The following PPM1B variants were observed in gnomAD, a reference collection of about 807,000 sequenced individuals.
The protein encoded by PPM1B is protein phosphatase 1B.
Under a neutral mutation model 43.0 loss-of-function variants are expected in PPM1B, and 22 were observed. The ratio of observed to expected loss-of-function variants is 0.51; its 90% confidence interval spans 0.37 to 0.73. The LOEUF (loss-of-function observed/expected upper bound fraction) is 0.73. Ranked by LOEUF, PPM1B falls within the 30% of genes least tolerant of loss-of-function variation. The pLI is 0.00. For missense variants in PPM1B, 632 were observed against 584.2 expected (o/e 1.08, Z -0.84); for synonymous variants, 217 against 197.9 (o/e 1.10, Z -0.81).
intron 2 of PPM1B, among the ~76,000 whole-genome samples, chr2:44,206,948 A>G (rs762167038): frequency 6.6e-6 from 1 of 152,226 alleles, no homozygotes; most frequent in African/African-American, 2.4e-5. Flanking sequence ...TTATACAAGT[A>G]TATTCATATA....
chr2:44,209,908 A>G (rs1473281720), intron 3 of PPM1B, among the ~76,000 whole-genome samples: 1 of 152,236 alleles, frequency 6.6e-6, no homozygotes, highest in Non-Finnish European at 1.5e-5. Context: ...GGAGAAGACA[A>G]ATATGTCTGT....
chr2:44,231,028 G>C lies in PPM1B; in HGVS notation c.*310G>C. On this transcript the variant is annotated 3_prime_UTR_variant, in exon 6 of 6. Transcript: ENST00000282412. The stretch of plus-strand genomic sequence containing the variant: ...TAGATAGAATTAGAAATTTTGATTA[G>C]AGAGATTATGCTATATTATGGAAAA... 1 of 955,284 alleles carries C rather than the reference G, an allele frequency of 1.0e-6. No individual in the cohort carries two copies. The highest frequency in any genetic ancestry group is 1.3e-6 in the Non-Finnish European group (1 of 788,540). 59.2% of individuals were successfully genotyped at this position (955,284 alleles called of 1,614,324 possible).
At chr2:44,239,822 A>G (rs1670706408) in intron 5 of PPM1B, among the ~76,000 whole-genome samples, 1 of 152,004 alleles carries the variant, frequency 6.6e-6, no homozygotes, top group African/African-American at 2.4e-5. Context: ...CACCCCTGTC[A>G]GATTCCCATT....
downstream of PPM1B, chr2:44,232,717 CACA>C (rs144740946): frequency 4.2e-3 from 4,326 of 1,021,054 alleles, 44 homozygotes; most frequent in East Asian, 0.066. Flanking sequence ...AAACAAAACA[CACA>C]ACATGTAAGC....
intron 5 of PPM1B, among the ~76,000 whole-genome samples, chr2:44,223,991 C>T (rs1670099264): frequency 6.6e-6 from 1 of 152,050 alleles, no homozygotes; most frequent in African/African-American, 2.4e-5. Flanking sequence ...CTTCAAGTAA[C>T]ATGTAATTTA....
chr2:44,246,234 T>A (rs773229875), downstream of PPM1B, among the ~76,000 whole-genome samples: 1 of 152,238 alleles, frequency 6.6e-6, no homozygotes, highest in Non-Finnish European at 1.5e-5. Flanking sequence ...TTCTTCTATT[T>A]AACACCGAAA....
exon 6 of PPM1B, chr2:44,244,345 A>G (rs1459094613): frequency 7.4e-7 from 1 of 1,359,122 alleles, no homozygotes; most frequent in South Asian, 1.1e-5. Flanking sequence ...GTTTTTTTGT[A>G]AACCCGAACG....
intron 4 of PPM1B, 133 bp downstream of exon 4, chr2:44,218,211 A>G: frequency 1.4e-6 from 1 of 723,328 alleles, no homozygotes; most frequent in Non-Finnish European, 2.3e-6. Flanking sequence ...ATACTAGAGA[A>G]GAACTCTTAA....
chr2:44,201,591 G>C lies in PPM1B; in HGVS notation c.392G>C (p.Gly131Ala). 2.5e-6 allele frequency: 4 copies of C among 1,614,188 alleles called. No individual in the cohort carries two copies. Among genetic ancestry groups the C allele is most frequent in the Non-Finnish European group, 3.4e-6 (4 of 1,180,036 alleles). ...CTCAGAAACGGGATGGACAGGAGTGGTTCAACTGCAGTGGGAGTTATGATT... is the reference window on the plus strand; with the variant it reads ...CTCAGAAACGGGATGGACAGGAGTGCTTCAACTGCAGTGGGAGTTATGATT... ...SDLRNGMDRS[G>A]STAVGVMISP... The change falls in exon 2 of 6, where the codon GGT becomes GCT. Residue 131 changes from glycine to alanine, a missense_variant. Around this residue, in one of 3 missense-constraint regions of PPM1B, gnomAD observed 200 missense variants for 200.7 expected, o/e 1.00. Coordinates refer to ENST00000282412, the MANE Select transcript of PPM1B (RefSeq NM_002706.6). The surrounding 1 kb of genome is among the most constrained non-coding windows in gnomAD (Gnocchi z 5.4).
chr2:44,204,353 C>T (rs930678809), intron 2 of PPM1B, among the ~76,000 whole-genome samples: 1 of 152,088 alleles, frequency 6.6e-6, no homozygotes, highest in African/African-American at 2.4e-5. Context: ...TTAGCGATTG[C>T]ACAGTAGTTA....
intron 3 of PPM1B, among the ~76,000 whole-genome samples, chr2:44,211,914 C>A (rs1669488279): frequency 6.6e-6 from 1 of 151,848 alleles, no homozygotes; most frequent in African/African-American, 2.4e-5. Flanking sequence ...CACACCCGGC[C>A]AATTTTGTAT....
chr2:44,244,185 A>G, intron 5 of PPM1B: 1 of 911,460 alleles, frequency 1.1e-6, no homozygotes, highest in South Asian at 3.1e-5. Flanking sequence ...AAAAAAAAAA[A>G]CCATATATAT....
intron 1 of PPM1B, among the ~76,000 whole-genome samples, chr2:44,187,752 C>G (rs549738612): frequency 7.2e-5 from 11 of 152,038 alleles, no homozygotes; most frequent in Non-Finnish European, 1.5e-4. Flanking sequence ...GTGATGTTCA[C>G]CTTTACTTTT....
chr2:44,211,113 A>G lies in PPM1B; in HGVS notation c.964+1786A>G, dbSNP rs953067115. On this transcript the variant is annotated intron_variant, in intron 3 of 5. Transcript: ENST00000282412. ...ATCATGCCACTGTACTCTAGCCTGG[A>G]TGACAGAGCAAGACTCCATCTCGGG... 7.9e-5 allele frequency among the ~76,000 whole-genome samples: 12 copies of G among 152,242 alleles called. No individual in the cohort carries two copies. The South Asian group carries it at 2.1e-3, about 26-fold the overall frequency.
chr2:44,171,960 A>C (rs1404976741), intron 1 of PPM1B, among the ~76,000 whole-genome samples: 2 of 152,208 alleles, frequency 1.3e-5, no homozygotes, highest in Non-Finnish European at 2.9e-5. Flanking sequence ...GCTTTTAAAA[A>C]TGCAACATAC....
At chr2:44,205,400 T>C in intron 2 of PPM1B, among the ~76,000 whole-genome samples, 1 of 150,712 alleles carries the variant, frequency 6.6e-6, no homozygotes, top group Non-Finnish European at 1.5e-5. Context: ...TCTGTTTCGG[T>C]TTTCATGGTC....
downstream of PPM1B, among the ~76,000 whole-genome samples, chr2:44,236,234 A>T (rs1670606532): frequency 6.6e-6 from 1 of 151,712 alleles, no homozygotes; most frequent in South Asian, 2.1e-4. Context: ...GTCTCTACTT[A>T]AAAAATAAAA....
chr2:44,192,994 A>G (rs545295618), intron 1 of PPM1B, among the ~76,000 whole-genome samples: 35 of 152,282 alleles, frequency 2.3e-4, no homozygotes, highest in Admixed American at 1.8e-3. Flanking sequence ...GGTTGATTGC[A>G]TAACTTGGTT....
intron 4 of PPM1B, 148 bp from the exon 5 acceptor site, chr2:44,218,332 C>A: frequency 1.4e-6 from 1 of 695,626 alleles, no homozygotes; most frequent in Non-Finnish European, 2.5e-6. Flanking sequence ...AAATCAGATT[C>A]TGAGAGTAAA....
Sources: gnomAD v4.1 joint callset for allele counts (sites outside exome capture counted in the v4.1 genomes callset) on GRCh38, gnomAD v4.1.1 for gene constraint, gnomAD v4.1.1 regional missense constraint, Gnocchi (gnomAD v3.1) non-coding constraint, MANE v1.5 for transcripts, NCBI Gene and HGNC (gene_info 2026-07-23, HGNC 2026-07-21) for gene names.